PCDHGA2: variants seen among roughly 807,000 people sequenced by gnomAD.
The protein encoded by PCDHGA2 is protocadherin gamma subfamily A, 2.
Under a neutral mutation model 59.2 loss-of-function variants are expected in PCDHGA2, and 40 were observed. That is an observed-to-expected ratio of 0.68 (90% CI 0.52 to 0.88). The LOEUF (loss-of-function observed/expected upper bound fraction) is 0.88. Ranked by LOEUF, PCDHGA2 falls within the 40% of genes least tolerant of loss-of-function variation. The pLI, the probability that PCDHGA2 is intolerant of heterozygous loss-of-function variation, is 0.00. For missense variants in PCDHGA2, 1,226 were observed against 1,204.0 expected (o/e 1.02, Z -0.27); for synonymous variants, 560 against 526.0 (o/e 1.06, Z -0.89).
intron 1 of PCDHGA2, chr5:141,478,072 G>A (rs752905249): frequency 6.2e-7 from 1 of 1,614,048 alleles, no homozygotes; most frequent in Admixed American, 1.7e-5. Flanking sequence ...AAGACAATGG[G>A]GAGCCTTCGC....
chr5:141,340,989 C>A lies in PCDHGA2; in HGVS notation c.2018C>A (p.Ala673Asp), dbSNP rs1300552072. 3 of 1,614,102 alleles carry A rather than the reference C, an allele frequency of 1.9e-6. No homozygotes were observed. The highest frequency in any genetic ancestry group is 2.2e-5 in the South Asian group (2 of 91,074). Residue 673 changes from alanine (A) to aspartate (D), a missense_variant, in exon 1 of 4, where the codon GCC (alanine) becomes GAC (aspartate). Ala to Asp is a moderately radical substitution (Grantham distance 126). Transcript: ENST00000394576. ...GCCGACAGGATCCCCGACATCCTGG[C>A]CGACCTGGGCAGCCTCGAGCCCTCC... Reference protein sequence around the residue: ...AVADRIPDILADLGSLEPSAI... With the variant: ...AVADRIPDILDDLGSLEPSAI...
At position 141,494,854 on chromosome 5, in the gene PCDHGA2, C is replaced by T. The variant is rs1353498253; in HGVS notation, c.2472C>T (p.Pro824=). ...TDWRFSQAQR[P]GTSGSQNGDD... The stretch of plus-strand genomic sequence containing the variant: ...GGCGTTTCTCTCAGGCCCAGAGACC[C>T]GGCACCAGCGGGTAGGTGACTGATT... The change falls in exon 2 of 4, where the codon CCC becomes CCT. Residue 824 remains proline (P), a synonymous_variant. Coordinates refer to ENST00000394576, the MANE Select transcript of PCDHGA2 (RefSeq NM_018915.4). 1.2e-6 allele frequency: 2 copies of T among 1,614,120 alleles called. No homozygotes were observed. Among genetic ancestry groups the T allele is most frequent in the East Asian group, 2.2e-5 (1 of 44,870 alleles).
chr5:141,478,118 G>A (rs1266841885), intron 1 of PCDHGA2: 1 of 1,613,930 alleles, frequency 6.2e-7, no homozygotes, highest in East Asian at 2.2e-5. Context: ...GTCAGTAACC[G>A]AGGACTCTCC....
At chr5:141,456,214 G>C (rs552287407) in intron 1 of PCDHGA2, among the ~76,000 whole-genome samples, 8 of 152,136 alleles carry the variant, frequency 5.3e-5, no homozygotes, top group Non-Finnish European at 7.4e-5. Context: ...CCTCCCTGTG[G>C]CGATATCAAA....
intron 1 of PCDHGA2, chr5:141,365,455 T>G: frequency 1.2e-6 from 2 of 1,614,042 alleles, no homozygotes; most frequent in Non-Finnish European, 1.7e-6. Context: ...ATGATGGTGA[T>G]TCTGGAGAAA....
chr5:141,436,384 C>A lies in PCDHGA2; in HGVS notation c.2425-58423C>A, dbSNP rs1048094484. 2.6e-5 allele frequency among the ~76,000 whole-genome samples: 4 copies of A among 152,222 alleles called. 1 individual carries two copies. Among genetic ancestry groups the A allele is most frequent in the Non-Finnish European group, 4.4e-5 (3 of 67,978 alleles). On this transcript the variant is annotated intron_variant, in intron 1 of 3. Coordinates refer to ENST00000394576, the MANE Select transcript of PCDHGA2 (RefSeq NM_018915.4). The stretch of plus-strand genomic sequence containing the variant: ...ATGTTTCCAGTTTAAGCTGAATAGG[C>A]TTTATTAAATAGTTGTTGAATGAAT...
chr5:141,372,053 C>T, intron 1 of PCDHGA2: 1 of 1,613,498 alleles, frequency 6.2e-7, no homozygotes, highest in Middle Eastern at 1.7e-4. Context: ...TGTTGGTGGA[C>T]GACCGCAACG....
intron 1 of PCDHGA2, chr5:141,421,009 T>G (rs948913987): frequency 1.9e-6 from 1 of 515,496 alleles, no homozygotes. Context: ...AATCAGGGAA[T>G]GGGAAGCTGC....
chr5:141,511,358 G>T lies in PCDHGA2; in HGVS notation c.*185G>T, dbSNP rs905197337. 1.5e-6 allele frequency: 2 copies of T among 1,355,398 alleles called. No homozygotes were observed. Among genetic ancestry groups the T allele is most frequent in the East Asian group, 2.5e-5 (1 of 39,588 alleles). The allele number at this position is 1,355,398 out of a possible 1,614,324, so 84.0% of individuals were successfully genotyped here. ...GCACCTACCCCTTCCCCCCCAGGGGGTTGAATATGCAAAAGCAGTTCCGCT... is the reference window on the plus strand; with the variant it reads ...GCACCTACCCCTTCCCCCCCAGGGGTTTGAATATGCAAAAGCAGTTCCGCT... On this transcript the variant is annotated 3_prime_UTR_variant, in exon 4 of 4. Coordinates refer to ENST00000394576, the MANE Select transcript of PCDHGA2 (RefSeq NM_018915.4).
intron 1 of PCDHGA2, chr5:141,409,953 C>T: frequency 6.2e-7 from 1 of 1,613,398 alleles, no homozygotes; most frequent in Non-Finnish European, 8.5e-7. Context: ...TCTGCAGAGC[C>T]CGGCTACCTA....
chr5:141,423,648 G>T, intron 1 of PCDHGA2: 1 of 1,590,008 alleles, frequency 6.3e-7, no homozygotes, highest in Admixed American at 1.8e-5. Context: ...AATGTGACCC[G>T]ACAAGTAATC....
At position 141,357,290 on chromosome 5, in the gene PCDHGA2, T is replaced by C. The variant is rs773203887; in HGVS notation, c.2424+15895T>C. 3.7e-6 allele frequency: 6 copies of C among 1,613,952 alleles called. 1 individual carries two copies. In the South Asian group the frequency reaches 4.4e-5, roughly 12 times the overall value. On this transcript the variant is annotated intron_variant, in intron 1 of 3. Transcript: ENST00000394576. ...CTCACACTCTATCTCGTGGTGGCAGTGGCCGCTGTCTCCTGCGTCTTCCTG... is the reference window on the plus strand; with the variant it reads ...CTCACACTCTATCTCGTGGTGGCAGCGGCCGCTGTCTCCTGCGTCTTCCTG...
chr5:141,339,522 G>C lies in PCDHGA2; in HGVS notation c.551G>C (p.Arg184Thr), dbSNP rs1218132787. The change falls in exon 1 of 4, where the codon AGG becomes ACG. Residue 184 changes from arginine to threonine, a missense_variant. Coordinates refer to ENST00000394576, the MANE Select transcript of PCDHGA2 (RefSeq NM_018915.4). ...PNDHFSLDVR[R>T]GADGNKYPEL... ...GACCACTTCTCCCTGGACGTGCGAA[G>C]GGGAGCTGATGGGAACAAGTACCCA... The C allele has an allele frequency of 6.2e-7, 1 of 1,614,170 alleles. No homozygotes were observed. Among genetic ancestry groups the C allele is most frequent in the Non-Finnish European group, 8.5e-7 (1 of 1,180,030 alleles).
chr5:141,456,098 C>A (rs1222639126), intron 1 of PCDHGA2, among the ~76,000 whole-genome samples: 1 of 151,980 alleles, frequency 6.6e-6, no homozygotes. Context: ...GGGATTTCAC[C>A]GTGTTAGCCA....
chr5:141,376,721 C>T (rs938507888), intron 1 of PCDHGA2: 2 of 596,528 alleles, frequency 3.4e-6, no homozygotes, highest in Admixed American at 3.5e-5. Context: ...GCTCTGTCGC[C>T]CAGGCCGGAC....
At chr5:141,352,759 G>A in intron 1 of PCDHGA2, 1 of 1,332,854 alleles carries the variant, frequency 7.5e-7, no homozygotes. Context: ...CCAGGCTGAG[G>A]CAGGTGGATC....
chr5:141,384,953 A>G, intron 1 of PCDHGA2: 1 of 1,613,944 alleles, frequency 6.2e-7, no homozygotes, highest in Non-Finnish European at 8.5e-7. Context: ...GACGGTCCTT[A>G]CAACTATGAC....
intron 1 of PCDHGA2, among the ~76,000 whole-genome samples, chr5:141,462,688 A>G (rs919098530): frequency 3.9e-5 from 6 of 152,126 alleles, no homozygotes; most frequent in African/African-American, 1.4e-4. Flanking sequence ...TTTTGAGCAC[A>G]TTTATAATGG....
chr5:141,355,170 G>T (rs200043254), intron 1 of PCDHGA2: 1 of 1,569,780 alleles, frequency 6.4e-7, no homozygotes, highest in Non-Finnish European at 8.6e-7. Flanking sequence ...AGGGAAAACC[G>T]AAGCACAGGC....
Sources: gnomAD v4.1 joint callset for allele counts (sites outside exome capture counted in the v4.1 genomes callset) on GRCh38, gnomAD v4.1.1 for gene constraint, MANE v1.5 for transcripts, NCBI Gene and HGNC (gene_info 2026-07-23, HGNC 2026-07-21) for gene names.